Variants in NCEH1 observed in about 807,000 individuals in gnomAD.
The protein encoded by NCEH1 is 2-acetyl MAGE hydrolase.
A neutral mutation model predicts 25.4 loss-of-function variants in NCEH1; 9 were observed. The observed-to-expected ratio is 0.35, with a 90% CI of 0.21 to 0.62. NCEH1 has a LOEUF of 0.62. Among genes scored for constraint, NCEH1 ranks in the 20% least tolerant of loss-of-function variants. The probability of loss-of-function intolerance (pLI) is 0.72; values close to 1 mark genes in which losing one functional copy is unlikely to be tolerated. For synonymous variants in NCEH1, 200 were observed against 199.8 expected, an observed-to-expected ratio of 1.00 and a Z score of -0.01; for missense variants, 412 against 501.1, an observed-to-expected ratio of 0.82 and a Z score of 1.70.
At chr3:172,677,783 C>T (rs1457062872) in intron 1 of NCEH1, among the ~76,000 whole-genome samples, 2 of 152,162 alleles carry the variant, frequency 1.3e-5, no homozygotes, top group Non-Finnish European at 2.9e-5. Context: ...AAAAAATTAG[C>T]CAGGCGTGGT....
intron 1 of NCEH1, among the ~76,000 whole-genome samples, chr3:172,709,745 T>C (rs532346739): frequency 1.3e-5 from 2 of 152,358 alleles, no homozygotes; most frequent in East Asian, 1.9e-4. Flanking sequence ...GGGAAAATCA[T>C]GACTTTTTTA....
chr3:172,659,953 T>C (rs1717891453), intron 1 of NCEH1, among the ~76,000 whole-genome samples: 1 of 152,168 alleles, frequency 6.6e-6, no homozygotes, highest in Non-Finnish European at 1.5e-5. Context: ...GTAAGGCTTT[T>C]TCTTTTAATA....
At chr3:172,636,755 T>G (rs181473443) in intron 3 of NCEH1, among the ~76,000 whole-genome samples, 1 of 152,146 alleles carries the variant, frequency 6.6e-6, no homozygotes, top group East Asian at 1.9e-4. Flanking sequence ...AAGATCAGAG[T>G]CCTTTGGAAT....
intron 3 of NCEH1, among the ~76,000 whole-genome samples, chr3:172,641,006 T>C (rs944073986): frequency 2.5e-4 from 38 of 152,104 alleles, no homozygotes; most frequent in African/African-American, 8.9e-4. Context: ...ATAATAAAAC[T>C]GTGCTCGAGG....
chr3:172,653,968 G>C (rs527578664), intron 1 of NCEH1, among the ~76,000 whole-genome samples: 56 of 152,142 alleles, frequency 3.7e-4, no homozygotes, highest in African/African-American at 1.3e-3. Flanking sequence ...TGCTGGCTAG[G>C]ATGGTCTCGA....
chr3:172,679,872 T>A (rs10154869), intron 1 of NCEH1, among the ~76,000 whole-genome samples: 14,889 of 152,058 alleles, frequency 0.098, 2,520 homozygotes, highest in African/African-American at 0.34. Context: ...ACCTTTGCAT[T>A]TTACAGGGCT....
At chr3:172,706,601 C>T (rs768464589) in intron 1 of NCEH1, among the ~76,000 whole-genome samples, 1 of 150,476 alleles carries the variant, frequency 6.6e-6, no homozygotes, top group East Asian at 2.0e-4. Flanking sequence ...CTGGTTCAAG[C>T]GATTCTTCTG....
rs1393867911 is a variant in NCEH1 at position 172,645,359 on chromosome 3, T to C, written c.437+264A>G. On this transcript the variant is annotated intron_variant, in intron 3 of 4. Transcript: ENST00000475381. ...ATGTTGCAGGTAACTGATTGCATAC[T>C]TCTCTAGGTTTTTAGTTAATCCTTT... 3.9e-5 allele frequency among the ~76,000 whole-genome samples: 6 copies of C among 152,198 alleles called. No individual in the cohort carries two copies. In the South Asian group the frequency reaches 6.2e-4, roughly 16 times the overall value.
intron 3 of NCEH1, among the ~76,000 whole-genome samples, chr3:172,636,610 A>C (rs1286618311): frequency 2.0e-5 from 3 of 152,216 alleles, no homozygotes; most frequent in Non-Finnish European, 4.4e-5. Context: ...AAACCCAAGA[A>C]ATGCATTCAA....
Position 172,711,009 on chromosome 3 carries a change from G to C in NCEH1, c.-25C>G. The C allele has an allele frequency of 6.2e-7, 1 of 1,613,830 alleles. No homozygotes were observed. The highest frequency in any genetic ancestry group is 8.5e-7 in the Non-Finnish European group (1 of 1,179,992). ...TCTTGCCCTGGCTCGGCTCGCCAGC[G>C]GGCTGGCAAAGAGGAAAGGGCGATA... On this transcript the variant is annotated 5_prime_UTR_variant, in exon 1 of 5. Transcript: ENST00000475381.
intron 1 of NCEH1, among the ~76,000 whole-genome samples, chr3:172,691,397 C>T (rs905471410): frequency 3.0e-4 from 4 of 13,366 alleles, no homozygotes; most frequent in African/African-American, 1.7e-3. Context: ...GTTTAGCATA[C>T]ACCTCTTACA....
intron 1 of NCEH1, among the ~76,000 whole-genome samples, chr3:172,672,260 T>C (rs893645312): frequency 2.6e-5 from 4 of 152,186 alleles, no homozygotes; most frequent in Non-Finnish European, 4.4e-5. Flanking sequence ...TGAGTACCGT[T>C]TCACCAAGTT....
chr3:172,674,207 C>T (rs189541508), intron 1 of NCEH1, among the ~76,000 whole-genome samples: 164 of 152,136 alleles, frequency 1.1e-3, no homozygotes, highest in East Asian at 3.7e-3. Flanking sequence ...TTTGGGAGGA[C>T]GAGGCAGGCA....
intron 1 of NCEH1, among the ~76,000 whole-genome samples, chr3:172,702,799 C>A (rs1713769029): frequency 6.6e-6 from 1 of 151,990 alleles, no homozygotes; most frequent in South Asian, 2.1e-4. Flanking sequence ...GCCTGGGCAA[C>A]ATAGCAAGAC....
intron 1 of NCEH1, among the ~76,000 whole-genome samples, chr3:172,685,814 T>C (rs1712665661): frequency 6.6e-6 from 1 of 152,162 alleles, no homozygotes. Flanking sequence ...GACAACCAGA[T>C]CTCTGACCTC....
At chr3:172,700,594 A>C (rs957731650) in intron 1 of NCEH1, among the ~76,000 whole-genome samples, 1 of 152,040 alleles carries the variant, frequency 6.6e-6, no homozygotes, top group African/African-American at 2.4e-5. Context: ...TACAGCCTTC[A>C]CCTCCTAGGC....
At chr3:172,675,849 AT>A (rs1711965646) in intron 1 of NCEH1, among the ~76,000 whole-genome samples, 1 of 152,238 alleles carries the variant, frequency 6.6e-6, no homozygotes, top group East Asian at 1.9e-4. Context: ...TAAGTCAGTT[AT>A]GGTCTACAGG....
At position 172,658,255 on chromosome 3, in the gene NCEH1, AG is replaced by A. The variant is rs1221077716; in HGVS notation, c.139-10142del. Reference sequence around the variant, plus strand: ...AGGAAGTTACCCTGTATAATCTAAAAGGGGAGGCATGAATAATCTACCCTTG... The same window carrying A: ...AGGAAGTTACCCTGTATAATCTAAAAGGGAGGCATGAATAATCTACCCTTG... On this transcript the variant is annotated intron_variant, in intron 1 of 4. Coordinates refer to ENST00000475381, the MANE Select transcript of NCEH1 (RefSeq NM_020792.6). 2.0e-5 allele frequency among the ~76,000 whole-genome samples: 3 copies of A among 152,222 alleles called. No homozygotes were observed. The East Asian group carries it at 5.8e-4, about 29-fold the overall frequency.
At chr3:172,659,497 G>C (rs960805440) in intron 1 of NCEH1, among the ~76,000 whole-genome samples, 2 of 152,166 alleles carry the variant, frequency 1.3e-5, no homozygotes, top group Non-Finnish European at 2.9e-5. Context: ...TGTCAGGGCT[G>C]TGGCTGCTGA....
Sources: gnomAD v4.1 joint callset for allele counts (sites outside exome capture counted in the v4.1 genomes callset) on GRCh38, gnomAD v4.1.1 for gene constraint, MANE v1.5 for transcripts, NCBI Gene and HGNC (gene_info 2026-07-23, HGNC 2026-07-21) for gene names.